KBTBD11: variants seen among roughly 807,000 people sequenced by gnomAD.
KBTBD11 encodes kelch repeat and BTB domain-containing protein 11.
For synonymous variants in KBTBD11, 747 were observed against 499.0 expected (o/e 1.50, Z -6.63); for missense variants, 1,390 against 1,001.8 (o/e 1.39, Z -5.23).
chr8:1,974,335 G>T, intron 1 of KBTBD11: 1 of 984,170 alleles, frequency 1.0e-6, no homozygotes, highest in Non-Finnish European at 1.2e-6. Context: ...CGCAGTCACC[G>T]CCCCCGCCGA....
At position 1,973,708 on chromosome 8, in the gene KBTBD11, C is replaced by A. The variant is rs1306401067; in HGVS notation, c.-1136C>A. 2 of 983,708 alleles carry A rather than the reference C, an allele frequency of 2.0e-6. No homozygotes were observed. The highest frequency in any genetic ancestry group is 2.4e-6 in the Non-Finnish European group (2 of 829,316). The allele number at this position is 983,708 out of a possible 1,614,324, so 60.9% of individuals were successfully genotyped here. A position where few individuals can be genotyped will look rare whatever the true frequency, so the allele number is the denominator to read the frequency against. On this transcript the variant is annotated 5_prime_UTR_variant, in exon 1 of 2. Coordinates refer to ENST00000320248, the MANE Select transcript of KBTBD11 (RefSeq NM_014867.3). ...CGCGCGCGCCCCTCGCAGCCTGGAG[C>A]CGGAGCGCTGGCTCCGCGCGGCCTG...
rs1469687813 is a variant in KBTBD11 at position 2,006,394 on chromosome 8, A to G, written c.*3330A>G. ...ATTTTTGTATTCTTGTTAATTTTAG[A>G]TGCTTTCCTAGCTTACAAAAAGTTC... On this transcript the variant is annotated 3_prime_UTR_variant, in exon 2 of 2. Transcript: ENST00000320248. 3 of 167,020 alleles carry G rather than the reference A, an allele frequency of 1.8e-5. No homozygotes were observed. The highest frequency in any genetic ancestry group is 2.1e-4 in the South Asian group (1 of 4,834). 10.3% of individuals were successfully genotyped at this position (167,020 alleles called of 1,614,324 possible). A position where few individuals can be genotyped will look rare whatever the true frequency, so the allele number is the denominator to read the frequency against.
chr8:1,979,382 C>T (rs1480372544), intron 1 of KBTBD11, among the ~76,000 whole-genome samples: 1 of 152,244 alleles, frequency 6.6e-6, no homozygotes, highest in Non-Finnish European at 1.5e-5. Context: ...GTAATCCCAG[C>T]ACTTTGGGAG....
intron 1 of KBTBD11, among the ~76,000 whole-genome samples, chr8:1,987,888 C>A (rs1816757183): frequency 6.6e-6 from 1 of 152,128 alleles, no homozygotes; most frequent in Non-Finnish European, 1.5e-5. Context: ...CCCCAGCTCC[C>A]CAGCCCCCGA....
At chr8:1,995,772 C>G (rs751927428) in intron 1 of KBTBD11, among the ~76,000 whole-genome samples, 1 of 152,082 alleles carries the variant, frequency 6.6e-6, no homozygotes, top group Non-Finnish European at 1.5e-5. Flanking sequence ...ACCTGTAATC[C>G]CAGCAAATTT....
chr8:1,974,692 C>G, intron 1 of KBTBD11: 3 of 985,450 alleles, frequency 3.0e-6, no homozygotes, highest in South Asian at 4.7e-5. Flanking sequence ...CCCGGGCGGT[C>G]TGGGCGGGAT....
In KBTBD11 at chr8:2,001,904, G is replaced by A; in HGVS notation, c.712G>A (p.Glu238Lys). ...GCAGCTGAGCCTGGCCAACTGCTAC[G>A]AGGTCCTGAGCGCGGCCAAGCGGCA... ...GPQLSLANCYEVLSAAKRQRL... is the reference protein window; with the variant it reads ...GPQLSLANCYKVLSAAKRQRL... Residue 238 changes from glutamate to lysine, a missense_variant, in exon 2 of 2, where the codon GAG becomes AAG. By Grantham distance (56) the Glu-to-Lys change is moderately conservative. Transcript: ENST00000320248. 6.9e-7 allele frequency: 1 copy of A among 1,439,328 alleles called. No homozygotes were observed. Among genetic ancestry groups the A allele is most frequent in the Non-Finnish European group, 9.2e-7 (1 of 1,089,688 alleles). The allele number at this position is 1,439,328 out of a possible 1,614,324, so 89.2% of individuals were successfully genotyped here.
At chr8:1,993,449 C>G (rs1454781598) in intron 1 of KBTBD11, among the ~76,000 whole-genome samples, 1 of 150,890 alleles carries the variant, frequency 6.6e-6, no homozygotes, top group Admixed American at 6.6e-5. Context: ...ATCCATCTAT[C>G]CATCCAATCA....
chr8:1,998,426 A>G (rs1448812041), intron 1 of KBTBD11, among the ~76,000 whole-genome samples: 1 of 152,240 alleles, frequency 6.6e-6, no homozygotes, highest in Non-Finnish European at 1.5e-5. Context: ...CTGATTTCAT[A>G]GGACTTTGCA....
At chr8:1,974,359 C>G in intron 1 of KBTBD11, 2 of 984,638 alleles carry the variant, frequency 2.0e-6, no homozygotes, top group Non-Finnish European at 2.4e-6. Flanking sequence ...TCCCGCCGCC[C>G]CAGCCGGCAC....
Position 2,001,345 on chromosome 8 carries a change from G to A in KBTBD11, c.153G>A (p.Pro51=), listed in dbSNP as rs1183017475. 1 of 1,506,540 alleles carries A rather than the reference G, an allele frequency of 6.6e-7. No homozygotes were observed. Among genetic ancestry groups the A allele is most frequent in the Non-Finnish European group, 8.8e-7 (1 of 1,134,844 alleles). 93.3% of individuals were successfully genotyped at this position (1,506,540 alleles called of 1,614,324 possible). A position where few individuals can be genotyped will look rare whatever the true frequency, so the allele number is the denominator to read the frequency against. The change falls in exon 2 of 2, where the codon CCG becomes CCA. Residue 51 remains proline, a synonymous_variant. Coordinates refer to ENST00000320248, the MANE Select transcript of KBTBD11 (RefSeq NM_014867.3). ...LCFSSGEESP[P]QSLASAAEGA... ...TCAGCTCCGGGGAAGAGTCCCCGCC[G>A]CAGTCCCTCGCCTCAGCGGCGGAAG...
chr8:1,975,093 C>T (rs897945018), intron 1 of KBTBD11: 2 of 152,238 alleles, frequency 1.3e-5, no homozygotes, highest in South Asian at 2.1e-4. Context: ...AATAATCCTC[C>T]CCATTCCTGA....
chr8:1,984,522 T>C (rs1206508223), intron 1 of KBTBD11, among the ~76,000 whole-genome samples: 1 of 151,842 alleles, frequency 6.6e-6, no homozygotes. Context: ...TTCCTGACCT[T>C]GCGATCCCCC....
chr8:1,999,078 C>T (rs1216820587), intron 1 of KBTBD11, among the ~76,000 whole-genome samples: 1 of 152,186 alleles, frequency 6.6e-6, no homozygotes, highest in Admixed American at 6.5e-5. Flanking sequence ...TATTACATTC[C>T]CCAGGCATCT....
In KBTBD11 at chr8:2,001,033, TCA is replaced by T. The variant is rs34006337; in HGVS notation, c.-151_-150del. On this transcript the variant is annotated 5_prime_UTR_variant, in exon 2 of 2. It introduces an in-frame stop codon into an upstream open reading frame of the 5' UTR. Transcript: ENST00000320248. ...GGAGCAGCGTGTGAGATTCCCCCCTTCACACACACAACAACAAAGCGTGGACA... is the reference window on the plus strand; with the variant it reads ...GGAGCAGCGTGTGAGATTCCCCCCTTCACACACAACAACAAAGCGTGGACA... 19 of 998,726 alleles carry T rather than the reference TCA, an allele frequency of 1.9e-5. No homozygotes were observed. Among genetic ancestry groups the T allele is most frequent in the South Asian group, 4.9e-5 (1 of 20,530 alleles). The allele number at this position is 998,726 out of a possible 1,614,324, so 61.9% of individuals were successfully genotyped here.
At position 2,002,681 on chromosome 8, in the gene KBTBD11, G is replaced by A; in HGVS notation, c.1489G>A (p.Ala497Thr). The change falls in exon 2 of 2, where the codon GCT becomes ACT. Residue 497 changes from alanine (A) to threonine (T), a missense_variant. Transcript: ENST00000320248. The surrounding 1 kb of genome is among the most constrained non-coding windows in gnomAD (Gnocchi z 4.1). ...CCGCGAGCGCTCGGCCGACATGGTG[G>A]CTCTCGACGGCTTCATCTACCGCTT... Reference protein sequence around the residue: ...SSRERSADMVALDGFIYRFDL... With the variant: ...SSRERSADMVTLDGFIYRFDL... 1.3e-6 allele frequency: 2 copies of A among 1,560,978 alleles called. No individual in the cohort carries two copies. Among genetic ancestry groups the A allele is most frequent in the Non-Finnish European group, 1.7e-6 (2 of 1,162,572 alleles).
chr8:1,984,773 C>T (rs1272961016), intron 1 of KBTBD11, among the ~76,000 whole-genome samples: 1 of 152,080 alleles, frequency 6.6e-6, no homozygotes, highest in Non-Finnish European at 1.5e-5. Flanking sequence ...AGTGGCATCT[C>T]CTGCAGTAAA....
At chr8:1,993,971 A>C (rs1817038384) in intron 1 of KBTBD11, among the ~76,000 whole-genome samples, 1 of 150,644 alleles carries the variant, frequency 6.6e-6, no homozygotes, top group African/African-American at 2.4e-5. Context: ...AACCCCATAG[A>C]TGGTTTATCA....
At chr8:1,975,858 A>G (rs898565073) in intron 1 of KBTBD11, 1 of 152,174 alleles carries the variant, frequency 6.6e-6, no homozygotes, top group African/African-American at 2.4e-5. Context: ...AAACTCCAAT[A>G]CAAACCCGCT....
Sources: allele counts gnomAD v4.1 joint callset (sites outside exome capture counted in the v4.1 genomes callset), GRCh38; gene constraint gnomAD v4.1.1; non-coding constraint Gnocchi (gnomAD v3.1); transcripts MANE v1.5; gene names NCBI Gene and HGNC (gene_info 2026-07-23, HGNC 2026-07-21).